SCAPER: variants seen among roughly 807,000 people sequenced by gnomAD.
SCAPER encodes the protein S phase cyclin A-associated protein in the endoplasmic reticulum.
SCAPER carries 98 observed loss-of-function variants against 182.2 expected under a neutral mutation model. That is an observed-to-expected ratio of 0.54 (90% CI 0.46 to 0.64). SCAPER has a LOEUF of 0.64. Among genes scored for constraint, SCAPER ranks in the 30% least tolerant of loss-of-function variants. The probability of loss-of-function intolerance (pLI) is 0.00; values close to 1 mark genes in which losing one functional copy is unlikely to be tolerated. For missense variants in SCAPER, 1,432 were observed against 1,690.0 expected (o/e 0.85, Z 2.68); for synonymous variants, 605 against 564.6 (o/e 1.07, Z -1.01).
At chr15:76,886,011 CCCAG>C (rs1353688380) in intron 1 of SCAPER, among the ~76,000 whole-genome samples, 2 of 152,142 alleles carry the variant, frequency 1.3e-5, no homozygotes, top group Non-Finnish European at 2.9e-5. Context: ...TGGGTAGATA[CCCAG>C]TAGTGGGATT....
intron 8 of SCAPER, among the ~76,000 whole-genome samples, chr15:76,785,782 A>C (rs1443899870): frequency 6.6e-6 from 1 of 152,184 alleles, no homozygotes; most frequent in Non-Finnish European, 1.5e-5. Context: ...CAAGGACAGA[A>C]ACCAAACACT....
intron 5 of SCAPER, among the ~76,000 whole-genome samples, chr15:76,815,745 C>A (rs2067024070): frequency 6.6e-6 from 1 of 152,154 alleles, no homozygotes; most frequent in South Asian, 2.1e-4. Context: ...AGGTTGAGTG[C>A]TCCTTAGGAC....
At chr15:76,374,219 C>G (rs1293489517) in intron 29 of SCAPER, among the ~76,000 whole-genome samples, 3 of 151,880 alleles carry the variant, frequency 2.0e-5, no homozygotes, top group African/African-American at 7.3e-5. Context: ...GAAACCCTGT[C>G]TCTACTAAAA....
intron 20 of SCAPER, among the ~76,000 whole-genome samples, chr15:76,699,145 C>A (rs141714639): frequency 0.012 from 1,768 of 152,264 alleles, 18 homozygotes; most frequent in Middle Eastern, 0.031. Flanking sequence ...AGTTGTTTAT[C>A]AGATCTAGGA....
chr15:76,862,354 T>G, intron 3 of SCAPER, 62 bp downstream of exon 3: 1 of 1,029,072 alleles, frequency 9.7e-7, no homozygotes, highest in Non-Finnish European at 1.5e-6. Context: ...GTCTATCTCT[T>G]TAGGACTAAA....
rs369946289 is a variant in SCAPER at position 76,753,952 on chromosome 15, C to T, written c.1726-4G>A. 8.6e-5 allele frequency: 138 copies of T among 1,611,094 alleles called. No individual in the cohort carries two copies. Among genetic ancestry groups the T allele is most frequent in the Admixed American group, 3.2e-4 (19 of 59,850 alleles). The stretch of plus-strand genomic sequence containing the variant: ...TCCACTTCCGGACATCCTTCTCCTA[C>T]GTATAGTGAATCATCACATCCTTAA... On this transcript the variant is annotated splice_region_variant and splice_polypyrimidine_tract_variant and intron_variant, in intron 14 of 31. Transcript: ENST00000563290.
chr15:76,707,394 C>G (rs1449997589), intron 17 of SCAPER, among the ~76,000 whole-genome samples: 1 of 151,800 alleles, frequency 6.6e-6, no homozygotes, highest in African/African-American at 2.4e-5. Context: ...AGAGACAGAT[C>G]TGAGACACAA....
intron 21 of SCAPER, among the ~76,000 whole-genome samples, chr15:76,639,323 C>T (rs528301748): frequency 5.3e-5 from 8 of 152,244 alleles, no homozygotes; most frequent in South Asian, 2.1e-4. Flanking sequence ...ATTTTCTCTA[C>T]GATATTACTT....
chr15:76,657,909 T>C (rs2055805839), intron 21 of SCAPER, among the ~76,000 whole-genome samples: 2 of 152,074 alleles, frequency 1.3e-5, no homozygotes, highest in African/African-American at 4.8e-5. Context: ...AGAAAAGGAA[T>C]ATGCCTCAAA....
At chr15:76,420,235 CTTT>C (rs71143323) in intron 26 of SCAPER, among the ~76,000 whole-genome samples, 5 of 116,912 alleles carry the variant, frequency 4.3e-5, no homozygotes, top group Admixed American at 9.5e-5. Context: ...ATGTTTTTTC[CTTT>C]TTTTTTTTTT....
At chr15:76,852,995 T>C (rs1262481904) in intron 4 of SCAPER, among the ~76,000 whole-genome samples, 1 of 151,946 alleles carries the variant, frequency 6.6e-6, no homozygotes, top group African/African-American at 2.4e-5. Context: ...GGAAATGTCA[T>C]GTTACCACTG....
chr15:76,523,722 CT>C (rs1243033418), intron 23 of SCAPER, among the ~76,000 whole-genome samples: 1 of 151,910 alleles, frequency 6.6e-6, no homozygotes, highest in Middle Eastern at 3.4e-3. Flanking sequence ...TAACGGTTTA[CT>C]TTTTTTTGAA....
chr15:76,390,440 CT>C (rs2043609496), intron 27 of SCAPER, among the ~76,000 whole-genome samples: 4 of 152,118 alleles, frequency 2.6e-5, no homozygotes, highest in Non-Finnish European at 5.9e-5. Flanking sequence ...ACTCTGGACC[CT>C]GGCAAAGGTC....
chr15:76,545,481 G>A (rs1247453951), intron 23 of SCAPER, among the ~76,000 whole-genome samples: 2 of 152,122 alleles, frequency 1.3e-5, no homozygotes, highest in Non-Finnish European at 2.9e-5. Flanking sequence ...GACATTTTTA[G>A]ACGAGAAAAA....
rs2057435465 is a variant in SCAPER, at chr15:76,677,535, A to G, written c.2509-11746T>C. On this transcript the variant is annotated intron_variant, in intron 20 of 31. Transcript: ENST00000563290. Reference sequence around the variant, plus strand: ...TCTAAAAATCAATGTAACAAGCCCAAAAGCTAATTAATGGTGGCTAATTCC... The same window carrying G: ...TCTAAAAATCAATGTAACAAGCCCAGAAGCTAATTAATGGTGGCTAATTCC... 2.0e-5 allele frequency among the ~76,000 whole-genome samples: 3 copies of G among 151,884 alleles called. No homozygotes were observed. The South Asian group carries it at 6.2e-4, about 32-fold the overall frequency.
chr15:76,479,295 C>G (rs1410608349), intron 24 of SCAPER, among the ~76,000 whole-genome samples: 2 of 152,156 alleles, frequency 1.3e-5, no homozygotes, highest in Admixed American at 6.5e-5. Context: ...TTGAACCCAG[C>G]CTGGGTGGTC....
At chr15:76,434,827 T>G (rs941202107) in intron 25 of SCAPER, among the ~76,000 whole-genome samples, 1 of 152,164 alleles carries the variant, frequency 6.6e-6, no homozygotes, top group African/African-American at 2.4e-5. Context: ...TCAGCTCTCT[T>G]TGTGTATAGT....
rs1278746521 is a variant in SCAPER at position 76,665,808 on chromosome 15, AAAT to A, written c.2509-22_2509-20del. The A allele has an allele frequency of 2.0e-6, 3 of 1,473,274 alleles. No individual in the cohort carries two copies. Among genetic ancestry groups the A allele is most frequent in the Non-Finnish European group, 1.8e-6 (2 of 1,107,582 alleles). The allele number at this position is 1,473,274 out of a possible 1,614,324, so 91.3% of individuals were successfully genotyped here. ...GATGCTCCTGCAAGATAAATAAATA[AAAT>A]AATAATAATGAGGATGATCATTTAA... is the stretch of plus-strand genomic sequence containing the variant. On this transcript the variant is annotated intron_variant, in intron 20 of 31. Coordinates refer to ENST00000563290, the MANE Select transcript of SCAPER (RefSeq NM_020843.4).
At chr15:76,632,612 C>T (rs977765816) in intron 21 of SCAPER, among the ~76,000 whole-genome samples, 4 of 152,102 alleles carry the variant, frequency 2.6e-5, no homozygotes, top group Admixed American at 6.5e-5. Context: ...TCAATTCATC[C>T]GTCTCAGCTT....
Sources: allele counts gnomAD v4.1 joint callset (sites outside exome capture counted in the v4.1 genomes callset), GRCh38; gene constraint gnomAD v4.1.1; transcripts MANE v1.5; gene names NCBI Gene and HGNC (gene_info 2026-07-23, HGNC 2026-07-21).